The following PCDH7 variants were observed in gnomAD, a reference collection of about 807,000 sequenced individuals.
The protein encoded by PCDH7 is protocadherin 7, also known as protocadherin-7.
Under a neutral mutation model 58.9 loss-of-function variants are expected in PCDH7, and 17 were observed. The ratio of observed to expected loss-of-function variants is 0.29; its 90% CI spans 0.20 to 0.43. PCDH7 has a LOEUF of 0.43. PCDH7 is among the 20% of genes least tolerant of loss of function. The probability of loss-of-function intolerance (pLI) is 1.00; values close to 1 mark genes in which losing one functional copy is unlikely to be tolerated. For synonymous variants in PCDH7, 664 were observed against 616.4 expected, an observed-to-expected ratio of 1.08 and a Z score of -1.14; for missense variants, 1,274 against 1,441.0, an observed-to-expected ratio of 0.88 and a Z score of 1.88.
At chr4:31,122,097 G>A (rs1717759669) in intron 3 of PCDH7, among the ~76,000 whole-genome samples, 1 of 151,984 alleles carries the variant, frequency 6.6e-6, no homozygotes, top group African/African-American at 2.4e-5. Flanking sequence ...CACACCGTGA[G>A]CAGCATATTG....
rs1165310072 is a variant in PCDH7 at position 30,761,306 on chromosome 4, A to G, written c.70+36710A>G. Among the ~76,000 whole-genome samples, 8 of 152,324 alleles carry G rather than the reference A, an allele frequency of 5.3e-5. 1 individual carries two copies. The highest frequency in any genetic ancestry group is 5.2e-4 in the Admixed American group (8 of 15,306). ...AGGAGCTTTCACTTTTACAAAGTAC[A>G]CTGGGCTCTTCTTATGAAAATACTC... On this transcript the variant is annotated intron_variant, in intron 1 of 3. Transcript: ENST00000509759.
intron 3 of PCDH7, 117 bp from the exon 3 acceptor site, chr4:31,142,356 G>A (rs1720367702): frequency 1.0e-6 from 1 of 977,656 alleles, no homozygotes; most frequent in African/African-American, 1.7e-5. Context: ...AGGGTGTTGG[G>A]AAATGAGAAA....
intron 3 of PCDH7, among the ~76,000 whole-genome samples, chr4:30,986,950 C>T (rs1751025079): frequency 6.6e-6 from 1 of 151,616 alleles, no homozygotes; most frequent in South Asian, 2.1e-4. Context: ...CACTGCACTC[C>T]AGCCTGACGA....
At chr4:30,927,294 T>C (rs1743991145) in intron 2 of PCDH7, among the ~76,000 whole-genome samples, 1 of 152,142 alleles carries the variant, frequency 6.6e-6, no homozygotes, top group African/African-American at 2.4e-5. Context: ...CAGATTTATG[T>C]ATAAAAAAAC....
chr4:31,025,373 A>T (rs1378250869), intron 3 of PCDH7, among the ~76,000 whole-genome samples: 1 of 152,188 alleles, frequency 6.6e-6, no homozygotes, highest in Non-Finnish European at 1.5e-5. Flanking sequence ...TTTCTTATGT[A>T]GTTCTTCTAA....
intron 3 of PCDH7, among the ~76,000 whole-genome samples, chr4:31,064,182 A>G (rs966508413): frequency 6.6e-6 from 1 of 152,048 alleles, no homozygotes; most frequent in Non-Finnish European, 1.5e-5. Context: ...AGAAAATCAG[A>G]TGAAGTTTTA....
intron 3 of PCDH7, among the ~76,000 whole-genome samples, chr4:30,958,153 A>G (rs2109455706): frequency 6.6e-6 from 1 of 152,144 alleles, no homozygotes; most frequent in Non-Finnish European, 1.5e-5. Flanking sequence ...GTTTTTTAAA[A>G]ATACTCTTAA....
chr4:31,058,498 G>A (rs1757431540), intron 3 of PCDH7, among the ~76,000 whole-genome samples: 1 of 151,988 alleles, frequency 6.6e-6, no homozygotes, highest in African/African-American at 2.4e-5. Context: ...TTTTAGTTAG[G>A]CAGAGTGCAT....
intron 1 of PCDH7, among the ~76,000 whole-genome samples, chr4:30,777,978 T>G (rs1228458662): frequency 2.0e-5 from 3 of 152,176 alleles, no homozygotes; most frequent in African/African-American, 7.2e-5. Context: ...TAGGTGTAGT[T>G]TGGCTTTGAG....
intron 1 of PCDH7, among the ~76,000 whole-genome samples, chr4:30,839,978 G>C (rs1578003620): frequency 6.6e-6 from 1 of 151,738 alleles, no homozygotes; most frequent in Admixed American, 6.6e-5. Context: ...TGAGAAAGAG[G>C]CTTTATGATT....
chr4:31,057,729 T>C (rs944725163), intron 3 of PCDH7, among the ~76,000 whole-genome samples: 1 of 152,144 alleles, frequency 6.6e-6, no homozygotes, highest in Non-Finnish European at 1.5e-5. Context: ...TACATCTCCA[T>C]CACTACAACC....
At position 30,994,275 on chromosome 4, in the gene PCDH7, A is replaced by G. The variant is rs77961028; in HGVS notation, c.*7+44060A>G. Among the ~76,000 whole-genome samples, 308 of 152,320 alleles carry G rather than the reference A, an allele frequency of 2.0e-3. 1 individual carries two copies. Among genetic ancestry groups the G allele is most frequent in the African/African-American group, 6.7e-3 (278 of 41,578 alleles). On this transcript the variant is annotated intron_variant, in intron 3 of 3. Transcript: ENST00000509759. The stretch of plus-strand genomic sequence containing the variant: ...GGAAAGCTGTAGAATTTAGCCAGCC[A>G]TTGGAAAGGATGCCCTGAAATACCT...
intron 3 of PCDH7, among the ~76,000 whole-genome samples, chr4:31,141,160 G>A (rs1330009254): frequency 1.3e-5 from 2 of 152,194 alleles, no homozygotes; most frequent in East Asian, 3.8e-4. Flanking sequence ...ATGGGGTGTG[G>A]AAGCAAAAGC....
chr4:31,005,860 A>T (rs1428691838), intron 3 of PCDH7, among the ~76,000 whole-genome samples: 1 of 152,284 alleles, frequency 6.6e-6, no homozygotes, highest in Non-Finnish European at 1.5e-5. Flanking sequence ...GAGAAAGCTC[A>T]TTTGGATGGT....
intron 3 of PCDH7, among the ~76,000 whole-genome samples, chr4:30,959,337 C>T (rs1578415995): frequency 6.6e-6 from 1 of 151,542 alleles, no homozygotes; most frequent in Admixed American, 6.6e-5. Context: ...TACACAGTAC[C>T]ATTAGCAATT....
At chr4:30,758,600 CT>C (rs1409578956) in intron 1 of PCDH7, among the ~76,000 whole-genome samples, 1 of 152,136 alleles carries the variant, frequency 6.6e-6, no homozygotes, top group African/African-American at 2.4e-5. Flanking sequence ...AAAACCACAT[CT>C]CCATCTGCAA....
chr4:30,953,277 AT>A (rs1329916797), intron 3 of PCDH7, among the ~76,000 whole-genome samples: 1 of 151,868 alleles, frequency 6.6e-6, no homozygotes, highest in Non-Finnish European at 1.5e-5. Flanking sequence ...AATAATTTCT[AT>A]TTTTTTTAAA....
chr4:30,967,833 A>G (rs562986400), intron 3 of PCDH7, among the ~76,000 whole-genome samples: 4 of 152,098 alleles, frequency 2.6e-5, no homozygotes, highest in Non-Finnish European at 5.9e-5. Context: ...ATTAAGACAA[A>G]TCATTGCCAA....
intron 3 of PCDH7, among the ~76,000 whole-genome samples, chr4:30,956,227 CAAAA>C (rs201836402): frequency 8.5e-6 from 1 of 117,386 alleles, no homozygotes; most frequent in African/African-American, 3.1e-5. Context: ...GACTGCATCT[CAAAA>C]AAAAAAAAAA....
Sources: gnomAD v4.1 joint callset for allele counts (sites outside exome capture counted in the v4.1 genomes callset) on GRCh38, gnomAD v4.1.1 for gene constraint, MANE v1.5 for transcripts, NCBI Gene and HGNC (gene_info 2026-07-23, HGNC 2026-07-21) for gene names.